Variants in KIF18A observed in about 807,000 individuals in gnomAD.
KIF18A encodes kinesin family member 18A.
KIF18A carries 67 observed loss-of-function variants against 103.3 expected under a neutral mutation model. The ratio of observed to expected loss-of-function variants is 0.65; its 90% CI spans 0.53 to 0.79. KIF18A has a LOEUF of 0.79. Ranked by LOEUF, KIF18A falls within the 30% of genes least tolerant of loss-of-function variation. The pLI is 0.00. For missense variants in KIF18A, 1,032 were observed against 1,062.5 expected (o/e 0.97, Z 0.40); for synonymous variants, 367 against 355.5 (o/e 1.03, Z -0.36).
chr11:28,099,725 C>G (rs1851421495), intron 1 of KIF18A, among the ~76,000 whole-genome samples: 1 of 151,974 alleles, frequency 6.6e-6, no homozygotes, highest in Non-Finnish European at 1.5e-5. Context: ...GAGAAGGACC[C>G]AGGGTGCTAC....
intron 13 of KIF18A, among the ~76,000 whole-genome samples, chr11:28,048,605 A>G (rs1257572166): frequency 6.6e-6 from 1 of 152,132 alleles, no homozygotes; most frequent in Non-Finnish European, 1.5e-5. Flanking sequence ...ATAAGTTAAT[A>G]AAGTATATCT....
Position 28,021,177 on chromosome 11 carries a change from A to C in KIF18A, c.*23T>G. ...TTGAAAAGCAGATTTGATCAACTTC[A>C]TTTTGCTTGGTTTTGAAGTGATTTA... On this transcript the variant is annotated 3_prime_UTR_variant, in exon 17 of 17. Transcript: ENST00000263181. 4 of 1,474,898 alleles carry C rather than the reference A, an allele frequency of 2.7e-6. No homozygotes were observed. The highest frequency in any genetic ancestry group is 3.6e-6 in the Non-Finnish European group (4 of 1,110,336). The allele number at this position is 1,474,898 out of a possible 1,614,324, so 91.4% of individuals were successfully genotyped here.
At chr11:28,063,089 C>T (rs1453131764) in intron 11 of KIF18A, among the ~76,000 whole-genome samples, 1 of 152,024 alleles carries the variant, frequency 6.6e-6, no homozygotes, top group Non-Finnish European at 1.5e-5. Context: ...TTGCATGAAA[C>T]AAAAGATCAT....
At chr11:28,092,931 G>T (rs538127723) in intron 3 of KIF18A, among the ~76,000 whole-genome samples, 4 of 152,136 alleles carry the variant, frequency 2.6e-5, no homozygotes, top group Non-Finnish European at 5.9e-5. Flanking sequence ...TAGAATAATT[G>T]TTCTCAAGCT....
At chr11:28,105,491 G>C (rs1437929594) in intron 1 of KIF18A, among the ~76,000 whole-genome samples, 1 of 152,084 alleles carries the variant, frequency 6.6e-6, no homozygotes, top group Non-Finnish European at 1.5e-5. Flanking sequence ...ATACACAATG[G>C]AATGATTACC....
chr11:28,106,272 CCAAA>C (rs1266040209), intron 1 of KIF18A, among the ~76,000 whole-genome samples: 7 of 152,154 alleles, frequency 4.6e-5, no homozygotes, highest in African/African-American at 1.7e-4. Flanking sequence ...GAGAATGCTT[CCAAA>C]CAATGATACA....
intron 15 of KIF18A, among the ~76,000 whole-genome samples, chr11:28,027,646 T>C (rs1166730505): frequency 6.6e-6 from 1 of 151,872 alleles, no homozygotes; most frequent in African/African-American, 2.4e-5. Context: ...AGTCTATCTT[T>C]CAGAAAAAAT....
intron 15 of KIF18A, 99 bp from the exon 16 acceptor site, chr11:28,023,949 C>A: frequency 7.5e-6 from 4 of 533,872 alleles, no homozygotes; most frequent in South Asian, 3.6e-5. Context: ...AAATAAAACA[C>A]AAAAATATTA....
chr11:28,058,475 C>A, intron 13 of KIF18A, among the ~76,000 whole-genome samples: 2 of 107,844 alleles, frequency 1.9e-5, no homozygotes, highest in Non-Finnish European at 1.8e-5. Flanking sequence ...AACAGTGATA[C>A]TTTGTTTCTA....
chr11:28,094,606 TC>T, intron 3 of KIF18A, 36 bp downstream of exon 3: 6 of 1,456,586 alleles, frequency 4.1e-6, no homozygotes, highest in Non-Finnish European at 5.7e-6. Context: ...GTCAATGATT[TC>T]CCAAAACTAT....
intron 3 of KIF18A, among the ~76,000 whole-genome samples, 154 bp downstream of exon 3, chr11:28,094,489 A>AAAG (rs1040274500): frequency 2.0e-5 from 3 of 152,070 alleles, no homozygotes; most frequent in African/African-American, 7.2e-5. Context: ...AAAAAAAAAA[A>AAAG]AATTAACAGA....
chr11:28,092,678 A>G (rs1851321794), intron 3 of KIF18A, among the ~76,000 whole-genome samples: 1 of 152,192 alleles, frequency 6.6e-6, no homozygotes, highest in South Asian at 2.1e-4. Context: ...AAAATAACAA[A>G]ATTTAGTCTC....
At chr11:28,084,153 T>C (rs951181319) in intron 7 of KIF18A, 3 of 152,150 alleles carry the variant, frequency 2.0e-5, no homozygotes, top group African/African-American at 4.8e-5. Context: ...CTATAAATTA[T>C]GTAGAAAAGA....
At position 28,082,856 on chromosome 11, in the gene KIF18A, CT is replaced by C; in HGVS notation, c.1261del (p.Arg421GlyfsTer6). The C allele has an allele frequency of 6.5e-7, 1 of 1,543,116 alleles. No homozygotes were observed. The highest frequency in any genetic ancestry group is 8.9e-7 in the Non-Finnish European group (1 of 1,128,688). On this transcript the variant is annotated frameshift_variant and splice_region_variant, in exon 9 of 17. Coordinates refer to ENST00000263181, the MANE Select transcript of KIF18A (RefSeq NM_031217.4). LOFTEE classifies it high-confidence loss of function. ...ISNPQEKEIE[R>X]FQEILNCLFQ... ...AATTAGATCTTAATGTAATGTTTAC[CT>C]TTCGATTTCTTTTTCCTGAGGGTTT... is the stretch of plus-strand genomic sequence containing the variant.
chr11:28,023,650 A>C (rs1590656365), intron 16 of KIF18A, 91 bp downstream of exon 16: 1 of 591,704 alleles, frequency 1.7e-6, no homozygotes, highest in East Asian at 2.9e-5. Flanking sequence ...ATAAAGGGAG[A>C]TTCTTATGAA....
intron 10 of KIF18A, among the ~76,000 whole-genome samples, chr11:28,072,099 T>C (rs961522000): frequency 1.3e-5 from 2 of 152,140 alleles, no homozygotes; most frequent in Non-Finnish European, 2.9e-5. Flanking sequence ...GGCAAGTAAG[T>C]GTTTGGGAAT....
chr11:28,064,447 C>A (rs777297197), intron 11 of KIF18A, among the ~76,000 whole-genome samples: 1 of 151,912 alleles, frequency 6.6e-6, no homozygotes, highest in Non-Finnish European at 1.5e-5. Context: ...CATATTGCAT[C>A]TTTTTTCCTT....
chr11:28,107,455 G>T (rs1851543093), intron 1 of KIF18A, among the ~76,000 whole-genome samples: 1 of 151,772 alleles, frequency 6.6e-6, no homozygotes, highest in African/African-American at 2.4e-5. Context: ...AATTTCATCT[G>T]CAGAGCATTT....
intron 15 of KIF18A, among the ~76,000 whole-genome samples, chr11:28,034,642 T>C (rs1160354539): frequency 6.6e-6 from 1 of 151,778 alleles, no homozygotes; most frequent in Non-Finnish European, 1.5e-5. Context: ...GGCGAATACC[T>C]TGAGGACAAA....
Sources: allele counts gnomAD v4.1 joint callset (sites outside exome capture counted in the v4.1 genomes callset), GRCh38; gene constraint gnomAD v4.1.1; transcripts MANE v1.5; gene names NCBI Gene and HGNC (gene_info 2026-07-23, HGNC 2026-07-21).